Variants in TFEC observed in about 807,000 individuals in gnomAD.
TFEC encodes class E basic helix-loop-helix protein 34.
TFEC carries 31 observed loss-of-function variants against 41.6 expected under a neutral mutation model. The ratio of observed to expected loss-of-function variants is 0.74; its 90% CI spans 0.56 to 1.01. TFEC has a LOEUF of 1.01. Ranked by LOEUF, TFEC falls within the 50% of genes least tolerant of loss-of-function variation. The pLI, the probability that TFEC is intolerant of heterozygous loss-of-function variation, is 0.00. For missense variants in TFEC, 402 were observed against 404.1 expected (o/e 0.99, Z 0.04); for synonymous variants, 143 against 140.6 (o/e 1.02, Z -0.12).
At chr7:116,099,190 T>C (rs939323142) in intron 3 of TFEC, among the ~76,000 whole-genome samples, 1 of 152,204 alleles carries the variant, frequency 6.6e-6, no homozygotes, top group South Asian at 2.1e-4. Flanking sequence ...ATCAAAAATA[T>C]GTAGAGAGAA....
chr7:115,958,095 A>T (rs1792331830), intron 3 of TFEC, among the ~76,000 whole-genome samples: 1 of 151,690 alleles, frequency 6.6e-6, no homozygotes, highest in African/African-American at 2.4e-5. Context: ...CGTTTACTTT[A>T]TATAAACTTA....
At chr7:116,068,488 A>C (rs1796748187) in intron 3 of TFEC, among the ~76,000 whole-genome samples, 2 of 151,760 alleles carry the variant, frequency 1.3e-5, no homozygotes, top group South Asian at 4.1e-4. Context: ...GAAATAATTA[A>C]GCTAAGTCTC....
At chr7:116,046,921 A>C (rs561734132) in intron 3 of TFEC, among the ~76,000 whole-genome samples, 1 of 152,370 alleles carries the variant, frequency 6.6e-6, no homozygotes, top group South Asian at 2.1e-4. Flanking sequence ...TTTATTATTT[A>C]AAACCCTCTC....
chr7:116,050,560 T>C (rs1164764496), intron 3 of TFEC, among the ~76,000 whole-genome samples: 2 of 152,234 alleles, frequency 1.3e-5, no homozygotes, highest in African/African-American at 4.8e-5. Flanking sequence ...TCATCATCAC[T>C]GGCCATCAGA....
chr7:116,019,814 A>G (rs1254634532), intron 1 of TFEC, among the ~76,000 whole-genome samples: 2 of 152,212 alleles, frequency 1.3e-5, no homozygotes, highest in Non-Finnish European at 2.9e-5. Flanking sequence ...CCTTATGATT[A>G]GAATTCCTTA....
intron 3 of TFEC, among the ~76,000 whole-genome samples, chr7:116,052,825 T>G (rs1796344069): frequency 6.6e-6 from 1 of 151,628 alleles, no homozygotes; most frequent in African/African-American, 2.4e-5. Flanking sequence ...ATCCCAGCAC[T>G]TTGGGAGGCC....
chr7:116,134,632 G>C (rs887626179), intron 1 of TFEC, among the ~76,000 whole-genome samples: 1 of 152,072 alleles, frequency 6.6e-6, no homozygotes, highest in Non-Finnish European at 1.5e-5. Flanking sequence ...AGGTTAATAA[G>C]ACTGTGAGCA....
chr7:116,117,194 T>G (rs1798009656), intron 1 of TFEC, among the ~76,000 whole-genome samples: 4 of 151,772 alleles, frequency 2.6e-5, no homozygotes, highest in Admixed American at 1.3e-4. Flanking sequence ...TTAATCTGCT[T>G]GACTAAATAA....
At chr7:115,944,097 AC>A (rs1251955307) in intron 6 of TFEC, among the ~76,000 whole-genome samples, 3 of 125,496 alleles carry the variant, frequency 2.4e-5, no homozygotes, top group African/African-American at 8.8e-5. Flanking sequence ...CGTATTCTAC[AC>A]CAACTATCAT....
intron 3 of TFEC, among the ~76,000 whole-genome samples, chr7:116,040,857 A>G (rs1193827075): frequency 5.3e-5 from 8 of 152,176 alleles, no homozygotes; most frequent in Non-Finnish European, 1.0e-4. Flanking sequence ...CTTACGTCAA[A>G]TGGTAAAGAA....
At chr7:116,097,033 T>C (rs1241376993) in intron 3 of TFEC, among the ~76,000 whole-genome samples, 1 of 150,520 alleles carries the variant, frequency 6.6e-6, no homozygotes, top group Non-Finnish European at 1.5e-5. Context: ...GAGGTTGCAG[T>C]GAGCTGAGAT....
chr7:116,109,776 G>C (rs1264047058), intron 3 of TFEC, among the ~76,000 whole-genome samples: 1 of 152,126 alleles, frequency 6.6e-6, no homozygotes, highest in African/African-American at 2.4e-5. Context: ...ACATGCACAC[G>C]TATGTTTATT....
intron 1 of TFEC, among the ~76,000 whole-genome samples, chr7:115,985,667 A>C (rs189284357): frequency 7.8e-4 from 118 of 152,230 alleles, no homozygotes; most frequent in Non-Finnish European, 1.4e-3. Context: ...TTATGCTGAC[A>C]TTTTTAGCAT....
chr7:116,068,111 C>T (rs1796737795), intron 3 of TFEC, among the ~76,000 whole-genome samples: 2 of 151,762 alleles, frequency 1.3e-5, no homozygotes. Flanking sequence ...CAAATGAAGA[C>T]TTAATTGGTA....
At chr7:116,023,185 A>G (rs1019257680) in intron 1 of TFEC, among the ~76,000 whole-genome samples, 32 of 152,168 alleles carry the variant, frequency 2.1e-4, no homozygotes, top group Non-Finnish European at 4.4e-4. Flanking sequence ...AATCAAAAGA[A>G]CTAGAATGAT....
chr7:115,947,694 GT>G (rs1190995012), intron 6 of TFEC, among the ~76,000 whole-genome samples: 1 of 150,722 alleles, frequency 6.6e-6, no homozygotes, highest in East Asian at 2.0e-4. Flanking sequence ...TTTTTCATGT[GT>G]TTTTTGGCTG....
chr7:115,976,937 A>C (rs889963401), intron 2 of TFEC, among the ~76,000 whole-genome samples: 4 of 152,138 alleles, frequency 2.6e-5, no homozygotes, highest in Non-Finnish European at 5.9e-5. Flanking sequence ...CCAGAAAGAA[A>C]CTTTTCTTTG....
chr7:116,122,461 A>G (rs1167375520), intron 1 of TFEC, among the ~76,000 whole-genome samples: 1 of 152,034 alleles, frequency 6.6e-6, no homozygotes, highest in African/African-American at 2.4e-5. Flanking sequence ...ACACGTTTTA[A>G]AAGATTTCCA....
chr7:116,076,321 G>A (rs1016666725), intron 3 of TFEC, among the ~76,000 whole-genome samples: 3 of 152,056 alleles, frequency 2.0e-5, no homozygotes, highest in Non-Finnish European at 4.4e-5. Flanking sequence ...ACCCAAATGA[G>A]AAGGAACCAC....
Sources: allele counts gnomAD v4.1 joint callset (sites outside exome capture counted in the v4.1 genomes callset), GRCh38; gene constraint gnomAD v4.1.1; transcripts MANE v1.5; gene names NCBI Gene and HGNC (gene_info 2026-07-23, HGNC 2026-07-21).